The following TF variants were observed in gnomAD, a reference collection of about 807,000 sequenced individuals.
TF encodes serotransferrin.
In TF, 55 loss-of-function variants were observed where a neutral mutation model predicts 82.4. That is an observed-to-expected ratio of 0.67 (90% CI 0.54 to 0.84). TF has a LOEUF of 0.84. Ranked by LOEUF, TF falls within the 40% of genes least tolerant of loss-of-function variation. TF has a pLI of 0.00. For synonymous variants in TF, 332 were observed against 332.6 expected (o/e 1.00, Z 0.02); for missense variants, 737 against 868.4 (o/e 0.85, Z 1.90).
chr3:133,757,589 C>T (rs994146545), intron 7 of TF, among the ~76,000 whole-genome samples, 180 bp from the exon 8 acceptor site: 28 of 152,218 alleles, frequency 1.8e-4, no homozygotes, highest in Non-Finnish European at 2.9e-5. Context: ...AATCGCGGAC[C>T]CACGAGGGCT....
rs916716530 is a variant in TF at position 133,768,096 on chromosome 3, G to C, written c.1554G>C (p.Met518Ile). The change falls in exon 13 of 17, where the codon ATG (methionine) becomes ATC (isoleucine). Residue 518 changes from methionine (M) to isoleucine (I), a missense_variant. Transcript: ENST00000402696. ...ACTCCAGTCTCTGTAAGCTGTGTAT[G>C]GGCTCAGGCCTAAACCTGTGTGAAC... ...KKDSSLCKLC[M>I]GSGLNLCEPN... The C allele has an allele frequency of 1.2e-6, 2 of 1,614,042 alleles. No homozygotes were observed. The highest frequency in any genetic ancestry group is 2.7e-5 in the African/African-American group (2 of 74,910).
chr3:133,773,056 A>T (rs1254622037), intron 14 of TF: 1 of 152,218 alleles, frequency 6.6e-6, no homozygotes, highest in Non-Finnish European at 1.5e-5. Flanking sequence ...ATAGCACACA[A>T]CAGGTAGCTT....
At chr3:133,770,724 T>G in intron 14 of TF, 152 bp downstream of exon 14, 1 of 949,134 alleles carries the variant, frequency 1.1e-6, no homozygotes, top group African/African-American at 1.6e-5. Flanking sequence ...AAGAGAGACA[T>G]GTTCACCTGA....
chr3:133,722,690 A>G, the TF span, among the ~76,000 whole-genome samples: 1 of 152,168 alleles, frequency 6.6e-6, no homozygotes, highest in Non-Finnish European at 1.5e-5. Flanking sequence ...CCCACAGTTA[A>G]TATTTTTGTT....
At chr3:133,673,116 G>A in the TF span, among the ~76,000 whole-genome samples, 5 of 152,130 alleles carry the variant, frequency 3.3e-5, no homozygotes, top group African/African-American at 9.7e-5. Context: ...AAAGCTGAAC[G>A]TACATCTACT....
chr3:133,701,673 G>A, the TF span, among the ~76,000 whole-genome samples: 1 of 152,338 alleles, frequency 6.6e-6, no homozygotes, highest in Non-Finnish European at 1.5e-5. Flanking sequence ...AGCTGGGCTG[G>A]TGCTCAGAGA....
intron 2 of TF, among the ~76,000 whole-genome samples, chr3:133,750,596 C>T (rs1327066875): frequency 6.6e-6 from 1 of 152,016 alleles, no homozygotes; most frequent in East Asian, 1.9e-4. Flanking sequence ...CGCAGGTTCC[C>T]CTGGGAACCC....
At position 133,788,027 on chromosome 3, in the gene TF, A is replaced by C. The variant is rs986814808; in HGVS notation, c.*9407A>C. The C allele has an allele frequency of 4.6e-5, 7 of 152,272 alleles. No homozygotes were observed. The highest frequency in any genetic ancestry group is 1.7e-4 in the African/African-American group (7 of 41,468). The allele number at this position is 152,272 out of a possible 1,614,324, so 9.4% of individuals were successfully genotyped here. On this transcript the variant is annotated 3_prime_UTR_variant, in exon 17 of 17. Coordinates refer to ENST00000402696, the MANE Select transcript of TF (RefSeq NM_001063.4). ...TGGAAGAAATGAAGGATTCTAGATC[A>C]GAATATTCCTATTTAGAAGACAGTT...
In TF at chr3:133,787,088, AT is replaced by A. The variant is rs1284744033; in HGVS notation, c.*8473del. The A allele has an allele frequency of 1.3e-5, 2 of 152,120 alleles. No individual in the cohort carries two copies. The highest frequency in any genetic ancestry group is 4.8e-5 in the African/African-American group (2 of 41,430). The allele number at this position is 152,120 out of a possible 1,614,324, so 9.4% of individuals were successfully genotyped here. Reference sequence around the variant, plus strand: ...TTCATACTTGGACATTTCACTTGCCATTTTTCTGTCTGTTTTGTGCATTTTG... The same window carrying A: ...TTCATACTTGGACATTTCACTTGCCATTTTCTGTCTGTTTTGTGCATTTTG... On this transcript the variant is annotated 3_prime_UTR_variant, in exon 17 of 17. Coordinates refer to ENST00000402696, the MANE Select transcript of TF (RefSeq NM_001063.4).
chr3:133,750,215 A>G (rs1454824189), intron 2 of TF, among the ~76,000 whole-genome samples: 1 of 152,180 alleles, frequency 6.6e-6, no homozygotes, highest in Non-Finnish European at 1.5e-5. Flanking sequence ...TCCTGGCAGC[A>G]CTGAGTTTTC....
At chr3:133,752,084 C>T (rs1414071121) in intron 2 of TF, among the ~76,000 whole-genome samples, 2 of 142,770 alleles carry the variant, frequency 1.4e-5, no homozygotes, top group African/African-American at 5.3e-5. Context: ...GGAACTATAG[C>T]TTTTGCTTTG....
chr3:133,791,000 C>A lies in TF; in HGVS notation c.*12380C>A, dbSNP rs60127050. On this transcript the variant is annotated 3_prime_UTR_variant, in exon 17 of 17. Transcript: ENST00000402696. Reference sequence around the variant, plus strand: ...TTTGCTTCTAATTTTCATTTGTTTGCCATTTATTCTCCTCTGGCTTTGCTT... The same window carrying A: ...TTTGCTTCTAATTTTCATTTGTTTGACATTTATTCTCCTCTGGCTTTGCTT... 1.0e-3 allele frequency: 155 copies of A among 152,186 alleles called. No homozygotes were observed. Among genetic ancestry groups the A allele is most frequent in the African/African-American group, 3.7e-3 (154 of 41,532 alleles). The allele number at this position is 152,186 out of a possible 1,614,324, so 9.4% of individuals were successfully genotyped here.
chr3:133,687,309 C>T, the TF span, among the ~76,000 whole-genome samples: 2 of 151,852 alleles, frequency 1.3e-5, no homozygotes, highest in Non-Finnish European at 1.5e-5. Context: ...CAAACCTGCA[C>T]GTTGTGCACA....
the TF span, among the ~76,000 whole-genome samples, chr3:133,735,629 A>G: frequency 3.9e-5 from 6 of 152,230 alleles, no homozygotes; most frequent in Non-Finnish European, 8.8e-5. Context: ...ATGGAGCTGA[A>G]AAACAGCACG....
intron 12 of TF, among the ~76,000 whole-genome samples, chr3:133,766,725 T>C (rs574508804): frequency 6.6e-6 from 1 of 152,344 alleles, no homozygotes; most frequent in East Asian, 1.9e-4. Flanking sequence ...ATGGCTGGTA[T>C]GGTCATGAGA....
chr3:133,730,483 A>G, the TF span, among the ~76,000 whole-genome samples: 1 of 152,114 alleles, frequency 6.6e-6, no homozygotes, highest in Non-Finnish European at 1.5e-5. Flanking sequence ...CCAATTTTCT[A>G]TACCAGGAGA....
chr3:133,793,527 A>G lies in TF; in HGVS notation c.*14907A>G, dbSNP rs770218007. The G allele has an allele frequency of 9.2e-5, 14 of 152,162 alleles. No homozygotes were observed. Among genetic ancestry groups the G allele is most frequent in the Non-Finnish European group, 1.6e-4 (11 of 67,998 alleles). 9.4% of individuals were successfully genotyped at this position (152,162 alleles called of 1,614,324 possible). A position where few individuals can be genotyped will look rare whatever the true frequency, so the allele number is the denominator to read the frequency against. ...AAAAATTTAATCTTCTTCAGGTTAT[A>G]TTTTAGTGAATAATATTAATATATG... On this transcript the variant is annotated 3_prime_UTR_variant, in exon 17 of 17. Coordinates refer to ENST00000402696, the MANE Select transcript of TF (RefSeq NM_001063.4).
chr3:133,684,903 A>G, the TF span, among the ~76,000 whole-genome samples: 1 of 152,220 alleles, frequency 6.6e-6, no homozygotes, highest in Non-Finnish European at 1.5e-5. Flanking sequence ...CACAACAAAA[A>G]AAGAGAATTT....
the TF span, among the ~76,000 whole-genome samples, chr3:133,702,289 T>G: frequency 6.7e-6 from 1 of 149,584 alleles, no homozygotes; most frequent in Non-Finnish European, 1.5e-5. Flanking sequence ...GCTGGACTCC[T>G]GGGGGGCTCA....
Sources: allele counts gnomAD v4.1 joint callset (sites outside exome capture counted in the v4.1 genomes callset), GRCh38; gene constraint gnomAD v4.1.1; transcripts MANE v1.5; gene names NCBI Gene and HGNC (gene_info 2026-07-23, HGNC 2026-07-21).